Variants in ME2 observed in about 807,000 individuals in gnomAD.
ME2 encodes the protein NAD-dependent malic enzyme, mitochondrial.
Under a neutral mutation model 73.7 loss-of-function variants are expected in ME2, and 60 were observed. The observed-to-expected ratio is 0.81, with a 90% CI of 0.66 to 1.01. The LOEUF is 1.01. ME2 is among the 50% of genes least tolerant of loss of function. The pLI, the probability that ME2 is intolerant of heterozygous loss-of-function variation, is 0.00. For missense variants in ME2, 594 were observed against 705.5 expected (o/e 0.84, Z 1.79); for synonymous variants, 199 against 236.9 (o/e 0.84, Z 1.47).
intron 13 of ME2, among the ~76,000 whole-genome samples, chr18:50,938,311 G>A (rs989443246): frequency 6.6e-6 from 1 of 152,098 alleles, no homozygotes; most frequent in African/African-American, 2.4e-5. Context: ...GTGACAGAGC[G>A]AGACCCTGTT....
At position 50,917,364 on chromosome 18, in the gene ME2, T is replaced by G. The variant is rs1050760873; in HGVS notation, c.486T>G (p.Asp162Glu). ...TGATTAAGGCTGTTGTAGTGACTGA[T>G]GGAGAGAGAATTCTGGGTCTTGGAG... ...ENHVKAVVVT[D>E]GERILGLGDL... Residue 162 changes from aspartate (D) to glutamate (E), a missense_variant, in exon 6 of 16, where the codon GAT becomes GAG. Coordinates refer to ENST00000321341, the MANE Select transcript of ME2 (RefSeq NM_002396.5). 3.1e-6 allele frequency: 5 copies of G among 1,613,516 alleles called. No homozygotes were observed. Among genetic ancestry groups the G allele is most frequent in the Non-Finnish European group, 4.2e-6 (5 of 1,179,624 alleles).
intron 1 of ME2, among the ~76,000 whole-genome samples, chr18:50,880,941 AAAATT>A (rs1351553750): frequency 1.3e-5 from 2 of 152,262 alleles, no homozygotes; most frequent in African/African-American, 4.8e-5. Flanking sequence ...CTTCTTTTGT[AAAATT>A]AAAAACTTAC....
chr18:50,879,817 C>A (rs1015615552), intron 1 of ME2, among the ~76,000 whole-genome samples: 2 of 152,190 alleles, frequency 1.3e-5, no homozygotes, highest in South Asian at 2.1e-4. Context: ...GAGATTGGAC[C>A]GATTCCGTCT....
chr18:50,937,178 AAAAGT>A (rs1195270144), intron 13 of ME2, among the ~76,000 whole-genome samples: 21 of 152,048 alleles, frequency 1.4e-4, no homozygotes, highest in Admixed American at 1.2e-3. Flanking sequence ...AAAAAAAACT[AAAAGT>A]AAAAGTAAAA....
chr18:50,905,247 A>G (rs1237485801), intron 2 of ME2, among the ~76,000 whole-genome samples: 1 of 152,132 alleles, frequency 6.6e-6, no homozygotes, highest in Non-Finnish European at 1.5e-5. Flanking sequence ...AGGCTCCCAA[A>G]GTGCTGGGAT....
At chr18:50,896,895 C>T (rs956149674) in intron 2 of ME2, among the ~76,000 whole-genome samples, 1 of 152,202 alleles carries the variant, frequency 6.6e-6, no homozygotes, top group Non-Finnish European at 1.5e-5. Context: ...GTTCAGCAAG[C>T]AGTTAGTGTG....
At chr18:50,900,782 T>C (rs565045256) in intron 2 of ME2, among the ~76,000 whole-genome samples, 1 of 152,216 alleles carries the variant, frequency 6.6e-6, no homozygotes, top group East Asian at 1.9e-4. Flanking sequence ...ATCTGGTGGC[T>C]TTATAAGGGA....
In ME2 at chr18:50,925,878, G is replaced by C; in HGVS notation, c.1294G>C (p.Glu432Gln). Residue 432 changes from glutamate (E) to glutamine (Q), a missense_variant, in exon 12 of 16, where the codon GAA becomes CAA. Glu to Gln is a conservative substitution (Grantham distance 29). Transcript: ENST00000321341. ...PTAQAECTAE[E>Q]AYTLTEGRCL... ...AGCACAGGCAGAGTGCACGGCTGAA[G>C]AAGCATATACACTTACAGAGGTATT... 1 of 1,609,534 alleles carries C rather than the reference G, an allele frequency of 6.2e-7. No homozygotes were observed. Among genetic ancestry groups the C allele is most frequent in the Non-Finnish European group, 8.5e-7 (1 of 1,175,882 alleles).
chr18:50,929,592 C>G (rs1917645905), intron 12 of ME2, among the ~76,000 whole-genome samples: 1 of 151,894 alleles, frequency 6.6e-6, no homozygotes, highest in South Asian at 2.1e-4. Context: ...AAAATAAATT[C>G]TCATGACTGT....
chr18:50,881,091 C>T (rs1384472503), intron 1 of ME2, among the ~76,000 whole-genome samples: 3 of 152,032 alleles, frequency 2.0e-5, no homozygotes, highest in African/African-American at 7.2e-5. Flanking sequence ...TGCAGTGTTG[C>T]GATCTCCACT....
chr18:50,924,638 G>T (rs576703162), intron 11 of ME2, among the ~76,000 whole-genome samples: 2 of 152,160 alleles, frequency 1.3e-5, no homozygotes, highest in South Asian at 4.1e-4. Flanking sequence ...AAATGTAAAA[G>T]TGTTTAAAAG....
At chr18:50,907,745 A>G (rs983735929) in intron 2 of ME2, among the ~76,000 whole-genome samples, 1 of 152,206 alleles carries the variant, frequency 6.6e-6, no homozygotes, top group Non-Finnish European at 1.5e-5. Context: ...TTTGTGTGCC[A>G]TTAAGAATGT....
intron 1 of ME2, among the ~76,000 whole-genome samples, chr18:50,891,543 T>C (rs1392299879): frequency 6.6e-6 from 1 of 152,196 alleles, no homozygotes; most frequent in Admixed American, 6.5e-5. Flanking sequence ...ATAAGCCTTT[T>C]TCATGGAAAG....
At chr18:50,943,456 T>A (rs1475119694) in intron 15 of ME2, among the ~76,000 whole-genome samples, 3 of 152,088 alleles carry the variant, frequency 2.0e-5, no homozygotes, top group Non-Finnish European at 2.9e-5. Context: ...TGCACCATCA[T>A]GTCCAGCTAA....
intron 10 of ME2, among the ~76,000 whole-genome samples, chr18:50,921,600 G>A (rs1917430788): frequency 1.3e-5 from 2 of 151,952 alleles, no homozygotes; most frequent in South Asian, 4.1e-4. Context: ...TTTTTGAGAT[G>A]AAGTCTCTCT....
At chr18:50,881,279 C>T (rs1916314437) in intron 1 of ME2, among the ~76,000 whole-genome samples, 1 of 152,100 alleles carries the variant, frequency 6.6e-6, no homozygotes, top group African/African-American at 2.4e-5. Flanking sequence ...TCAAGTGCTC[C>T]ACCTCCTTCG....
intron 2 of ME2, among the ~76,000 whole-genome samples, chr18:50,906,122 A>G (rs868614664): frequency 6.6e-6 from 1 of 152,062 alleles, no homozygotes; most frequent in African/African-American, 2.4e-5. Flanking sequence ...AAGTCTTTGA[A>G]TGTATTCAAA....
At chr18:50,895,198 A>G (rs1916708794) in intron 1 of ME2, among the ~76,000 whole-genome samples, 2 of 152,228 alleles carry the variant, frequency 1.3e-5, no homozygotes, top group South Asian at 2.1e-4. Context: ...AAAAATGTCC[A>G]TGTTTATGAT....
At chr18:50,888,731 G>A (rs1916539517) in intron 1 of ME2, among the ~76,000 whole-genome samples, 1 of 152,064 alleles carries the variant, frequency 6.6e-6, no homozygotes, top group South Asian at 2.1e-4. Context: ...AATGCTTTAG[G>A]AAGGAAGCTC....
Sources: gnomAD v4.1 joint callset for allele counts (sites outside exome capture counted in the v4.1 genomes callset) on GRCh38, gnomAD v4.1.1 for gene constraint, MANE v1.5 for transcripts, NCBI Gene and HGNC (gene_info 2026-07-23, HGNC 2026-07-21) for gene names.